The following CTNNA3 variants were observed in gnomAD, a reference collection of about 807,000 sequenced individuals.
CTNNA3 encodes the protein catenin alpha 3.
CTNNA3 carries 76 observed loss-of-function variants against 95.7 expected under a neutral mutation model. That is an observed-to-expected ratio of 0.79 (90% CI 0.66 to 0.96). The LOEUF is 0.96. Ranked by LOEUF, CTNNA3 falls within the 40% of genes least tolerant of loss-of-function variation. The pLI, the probability that CTNNA3 is intolerant of heterozygous loss-of-function variation, is 0.00. For synonymous variants in CTNNA3, 431 were observed against 374.4 expected, an observed-to-expected ratio of 1.15 and a Z score of -1.74; for missense variants, 1,191 against 1,089.8, an observed-to-expected ratio of 1.09 and a Z score of -1.31.
At chr10:66,136,912 C>T (rs1018348620) in intron 13 of CTNNA3, among the ~76,000 whole-genome samples, 27 of 152,140 alleles carry the variant, frequency 1.8e-4, no homozygotes, top group East Asian at 1.4e-3. Context: ...ACCTCCACCT[C>T]GTGGGTTCAA....
intron 10 of CTNNA3, among the ~76,000 whole-genome samples, chr10:66,597,533 TA>T (rs1843756566): frequency 7.3e-6 from 1 of 136,186 alleles, no homozygotes; most frequent in African/African-American, 2.6e-5. Flanking sequence ...TATATATATA[TA>T]TATATATATA....
intron 7 of CTNNA3, among the ~76,000 whole-genome samples, chr10:67,007,689 A>G (rs1316486696): frequency 6.6e-6 from 1 of 152,040 alleles, no homozygotes; most frequent in Non-Finnish European, 1.5e-5. Flanking sequence ...CCACCATTTT[A>G]AAATCCATAA....
At chr10:67,355,178 T>C (rs1037342328) in intron 5 of CTNNA3, among the ~76,000 whole-genome samples, 2 of 152,066 alleles carry the variant, frequency 1.3e-5, no homozygotes, top group African/African-American at 4.8e-5. Context: ...CTTGTACTTA[T>C]TTTTATCAAA....
chr10:66,547,097 G>A (rs1842057248), intron 10 of CTNNA3, among the ~76,000 whole-genome samples: 1 of 151,904 alleles, frequency 6.6e-6, no homozygotes, highest in African/African-American at 2.4e-5. Context: ...CTACTCTCTT[G>A]CACATATTGC....
intron 5 of CTNNA3, among the ~76,000 whole-genome samples, chr10:67,457,053 G>A (rs1847199594): frequency 6.6e-6 from 1 of 152,102 alleles, no homozygotes; most frequent in Non-Finnish European, 1.5e-5. Flanking sequence ...AGTGGATAGA[G>A]GTGGAAAGCA....
At chr10:66,039,643 T>G (rs762691853) in intron 15 of CTNNA3, among the ~76,000 whole-genome samples, 1 of 152,160 alleles carries the variant, frequency 6.6e-6, no homozygotes, top group Non-Finnish European at 1.5e-5. Flanking sequence ...GACTCCTTAT[T>G]CAAAAAATGG....
chr10:67,240,722 C>G lies in CTNNA3; in HGVS notation c.580-20852G>C, dbSNP rs568589544. Among the ~76,000 whole-genome samples, 84 of 152,152 alleles carry G rather than the reference C, an allele frequency of 5.5e-4. 1 individual carries two copies. The South Asian group carries it at 8.5e-3, about 15-fold the overall frequency. On this transcript the variant is annotated intron_variant, in intron 5 of 17. Transcript: ENST00000433211. ...TGCATTCTGGGCCATTAATGCATAC[C>G]TTGGGTAACTGAAATACACCAAGGT...
intron 3 of CTNNA3, among the ~76,000 whole-genome samples, chr10:67,556,315 T>G (rs1412939782): frequency 1.3e-5 from 2 of 152,220 alleles, no homozygotes; most frequent in Non-Finnish European, 2.9e-5. Context: ...ATTGGAATAG[T>G]TTCAGAAGGA....
intron 12 of CTNNA3, among the ~76,000 whole-genome samples, chr10:66,346,246 TAGAGAGAGAGAGAGAG>T (rs371257440): frequency 3.6e-4 from 10 of 27,790 alleles, no homozygotes; most frequent in East Asian, 1.3e-3. Context: ...TATATATATA[TAGAGAGAGAGAGAGAG>T]AGAGAGAGAG....
intron 11 of CTNNA3, among the ~76,000 whole-genome samples, chr10:66,473,358 C>T (rs1464616171): frequency 1.3e-5 from 2 of 151,834 alleles, no homozygotes; most frequent in Admixed American, 6.6e-5. Context: ...TCCTGCCTTG[C>T]TCCTCATGCT....
chr10:67,265,164 C>A (rs1866770744), intron 5 of CTNNA3, among the ~76,000 whole-genome samples: 2 of 152,304 alleles, frequency 1.3e-5, no homozygotes, highest in South Asian at 4.1e-4. Context: ...ACTGTGACAA[C>A]TTTCTCCACA....
chr10:67,325,756 C>A (rs1167903873), intron 5 of CTNNA3, among the ~76,000 whole-genome samples: 1 of 151,980 alleles, frequency 6.6e-6, no homozygotes, highest in Admixed American at 6.6e-5. Context: ...TACATTTGAT[C>A]CAGAGCTGAG....
chr10:66,907,530 T>A (rs1454261616), intron 7 of CTNNA3, among the ~76,000 whole-genome samples: 2 of 152,162 alleles, frequency 1.3e-5, no homozygotes, highest in African/African-American at 4.8e-5. Flanking sequence ...AAATCCTTAT[T>A]TTGAGAGGAT....
intron 5 of CTNNA3, among the ~76,000 whole-genome samples, chr10:67,391,733 C>G (rs1410360208): frequency 1.3e-5 from 2 of 148,594 alleles, no homozygotes; most frequent in African/African-American, 5.0e-5. Context: ...CAGAACAGAG[C>G]CCTCAGAAAT....
intron 7 of CTNNA3, among the ~76,000 whole-genome samples, chr10:67,092,192 T>C (rs1475918627): frequency 6.6e-6 from 1 of 151,990 alleles, no homozygotes; most frequent in African/African-American, 2.4e-5. Context: ...AACTATCATC[T>C]TTTCAACAAC....
intron 15 of CTNNA3, among the ~76,000 whole-genome samples, chr10:66,043,287 A>G (rs1393152703): frequency 6.6e-6 from 1 of 152,188 alleles, no homozygotes; most frequent in Non-Finnish European, 1.5e-5. Context: ...GTATATTGGA[A>G]GATTGTCTTA....
intron 3 of CTNNA3, among the ~76,000 whole-genome samples, chr10:67,556,216 T>G (rs935507604): frequency 2.0e-5 from 3 of 152,196 alleles, no homozygotes; most frequent in Non-Finnish European, 4.4e-5. Flanking sequence ...TAAAATCCTC[T>G]TTTTTTGTTG....
At chr10:66,585,052 G>C (rs1236176099) in intron 10 of CTNNA3, among the ~76,000 whole-genome samples, 2 of 152,048 alleles carry the variant, frequency 1.3e-5, no homozygotes, top group Admixed American at 6.5e-5. Flanking sequence ...GAAGTCTGCA[G>C]TTAGTTTGAT....
intron 13 of CTNNA3, among the ~76,000 whole-genome samples, chr10:66,104,318 A>T (rs1266195020): frequency 6.6e-6 from 1 of 152,178 alleles, no homozygotes; most frequent in Non-Finnish European, 1.5e-5. Context: ...TTAGGCAGCT[A>T]ATTGTTGAAT....
Sources: allele counts gnomAD v4.1 joint callset (sites outside exome capture counted in the v4.1 genomes callset), GRCh38; gene constraint gnomAD v4.1.1; transcripts MANE v1.5; gene names NCBI Gene and HGNC (gene_info 2026-07-23, HGNC 2026-07-21).